NCKAP5: variants seen among roughly 807,000 people sequenced by gnomAD.
NCKAP5 encodes the protein NCK associated protein 5, also known as nck-associated protein 5.
A neutral mutation model predicts 167.0 loss-of-function variants in NCKAP5; 92 were observed. The ratio of observed to expected loss-of-function variants is 0.55; its 90% CI spans 0.47 to 0.66. The LOEUF (loss-of-function observed/expected upper bound fraction) is 0.66, where lower values mean the gene tolerates loss of function less well. Among genes scored for constraint, NCKAP5 ranks in the 30% least tolerant of loss-of-function variants. NCKAP5 has a pLI of 0.00. For missense variants in NCKAP5, 2,378 were observed against 2,315.0 expected, an observed-to-expected ratio of 1.03 and a Z score of -0.56; for synonymous variants, 891 against 877.4, an observed-to-expected ratio of 1.02 and a Z score of -0.27.
At chr2:133,381,231 C>T (rs973636077) in intron 3 of NCKAP5, among the ~76,000 whole-genome samples, 1 of 152,178 alleles carries the variant, frequency 6.6e-6, no homozygotes, top group African/African-American at 2.4e-5. Flanking sequence ...TGACAGACAT[C>T]GTCAGTCATG....
intron 3 of NCKAP5, among the ~76,000 whole-genome samples, chr2:133,477,662 C>A (rs188956159): frequency 6.6e-6 from 1 of 152,286 alleles, no homozygotes; most frequent in Admixed American, 6.5e-5. Flanking sequence ...TAACCATATA[C>A]TGCAATAAAA....
intron 13 of NCKAP5, among the ~76,000 whole-genome samples, chr2:132,788,808 T>C (rs1683809843): frequency 1.3e-5 from 2 of 152,186 alleles, no homozygotes; most frequent in African/African-American, 4.8e-5. Flanking sequence ...CAAATTCATA[T>C]GATACAAGTT....
intron 16 of NCKAP5, among the ~76,000 whole-genome samples, chr2:132,735,291 G>T (rs767230063): frequency 1.3e-5 from 2 of 152,180 alleles, no homozygotes; most frequent in Non-Finnish European, 2.9e-5. Context: ...GGAGGTGTTT[G>T]AATCGGGGGT....
intron 6 of NCKAP5, among the ~76,000 whole-genome samples, chr2:133,092,432 C>G (rs1369061285): frequency 6.6e-6 from 1 of 152,104 alleles, no homozygotes; most frequent in African/African-American, 2.4e-5. Flanking sequence ...GGAACTCAGC[C>G]CTGCCAGCAC....
At chr2:133,537,361 T>C (rs143116081) in intron 2 of NCKAP5, among the ~76,000 whole-genome samples, 1,643 of 152,228 alleles carry the variant, frequency 0.011, 20 homozygotes, top group South Asian at 0.06. Context: ...AACTGGGAGA[T>C]TGCATTGAGT....
At chr2:133,532,699 G>A (rs6430426) in intron 2 of NCKAP5, among the ~76,000 whole-genome samples, 36,296 of 151,870 alleles carry the variant, frequency 0.24, 5,539 homozygotes, top group East Asian at 0.48. Context: ...CAGTATATAT[G>A]TAATTTTTAT....
chr2:133,548,018 C>G (rs1172555490), intron 2 of NCKAP5, among the ~76,000 whole-genome samples: 1 of 145,896 alleles, frequency 6.9e-6, no homozygotes, highest in South Asian at 2.2e-4. Flanking sequence ...ATAACCAATA[C>G]AGAGAAGTGC....
intron 5 of NCKAP5, among the ~76,000 whole-genome samples, chr2:133,148,161 G>A (rs1014426281): frequency 6.6e-6 from 1 of 152,068 alleles, no homozygotes; most frequent in African/African-American, 2.4e-5. Context: ...GTGGTGTTCT[G>A]GAGTTTACAG....
chr2:132,975,984 T>C (rs1427361704), intron 7 of NCKAP5, among the ~76,000 whole-genome samples: 1 of 152,150 alleles, frequency 6.6e-6, no homozygotes, highest in African/African-American at 2.4e-5. Flanking sequence ...CTGTCTATTG[T>C]ACTCACTTAC....
chr2:133,538,954 T>TAA (rs1685992742), intron 2 of NCKAP5, among the ~76,000 whole-genome samples: 3 of 135,052 alleles, frequency 2.2e-5, no homozygotes, highest in South Asian at 2.4e-4. Flanking sequence ...TTTTTTTTTT[T>TAA]TTTTGAGACG....
At chr2:133,637,582 T>C in the NCKAP5 span, among the ~76,000 whole-genome samples, 1 of 131,276 alleles carries the variant, frequency 7.6e-6, no homozygotes, top group South Asian at 2.3e-4. Context: ...TGAAATATAA[T>C]GAAAATGGAG....
chr2:132,881,766 C>T (rs893593902), intron 8 of NCKAP5, among the ~76,000 whole-genome samples: 3 of 152,098 alleles, frequency 2.0e-5, no homozygotes. Context: ...AAGGTAGGGT[C>T]TGCCAAATCT....
intron 5 of NCKAP5, among the ~76,000 whole-genome samples, chr2:133,207,831 C>T (rs1375949277): frequency 6.6e-6 from 1 of 152,152 alleles, no homozygotes; most frequent in Non-Finnish European, 1.5e-5. Flanking sequence ...AAGAGACAAA[C>T]ATCCCATGCA....
In NCKAP5 at chr2:133,010,098, A is replaced by T. The variant is rs575009473; in HGVS notation, c.342-15859T>A. Among the ~76,000 whole-genome samples the T allele has an allele frequency of 2.0e-3, 305 of 151,648 alleles. 1 individual carries two copies. The highest frequency in any genetic ancestry group is 7.2e-3 in the African/African-American group (296 of 41,348). On this transcript the variant is annotated intron_variant, in intron 6 of 19. Transcript: ENST00000409261. ...AAAAAAAAAATAAATAAATAAAAAA[A>T]ACAAACAGAGGCTCTCTGGAGATGC...
intron 3 of NCKAP5, among the ~76,000 whole-genome samples, chr2:133,415,211 T>C (rs1689033111): frequency 6.6e-6 from 1 of 152,370 alleles, no homozygotes; most frequent in East Asian, 1.9e-4. Context: ...AAAGAAATTA[T>C]ATCCTGGAAA....
chr2:133,477,086 T>G (rs1169275912), intron 3 of NCKAP5, among the ~76,000 whole-genome samples: 1 of 152,240 alleles, frequency 6.6e-6, no homozygotes, highest in African/African-American at 2.4e-5. Context: ...TTAATCATGA[T>G]ACTCCCTTAT....
intron 4 of NCKAP5, among the ~76,000 whole-genome samples, chr2:133,248,606 C>A (rs536333213): frequency 6.6e-6 from 1 of 152,322 alleles, no homozygotes; most frequent in South Asian, 2.1e-4. Flanking sequence ...CTTGCTCAAC[C>A]CATTTGAACT....
chr2:132,962,483 G>A lies in NCKAP5; in HGVS notation c.579+1237C>T, dbSNP rs75594278. On this transcript the variant is annotated intron_variant, in intron 8 of 19. Coordinates refer to ENST00000409261, the MANE Select transcript of NCKAP5 (RefSeq NM_207363.3). ...CTCACCATTCTGCTTTATTATCACC[G>A]AGGAAATTAGTGTAAAATGGATATG... 5.3e-5 allele frequency among the ~76,000 whole-genome samples: 8 copies of A among 152,274 alleles called. No homozygotes were observed. The East Asian group carries it at 7.7e-4, about 15-fold the overall frequency.
intron 19 of NCKAP5, among the ~76,000 whole-genome samples, chr2:132,677,737 C>T (rs577491048): frequency 3.9e-5 from 6 of 152,060 alleles, no homozygotes; most frequent in South Asian, 2.1e-4. Flanking sequence ...GAAATTGAGA[C>T]GTGCCTACCC....
Sources: allele counts gnomAD v4.1 joint callset (sites outside exome capture counted in the v4.1 genomes callset), GRCh38; gene constraint gnomAD v4.1.1; transcripts MANE v1.5; gene names NCBI Gene and HGNC (gene_info 2026-07-23, HGNC 2026-07-21).